DPH6: variants seen among roughly 807,000 people sequenced by gnomAD.
DPH6 encodes the protein diphthamine biosynthesis 6, also known as diphthine--ammonia ligase.
A neutral mutation model predicts 38.2 loss-of-function variants in DPH6; 33 were observed. That is an observed-to-expected ratio of 0.86 (90% CI 0.65 to 1.15). The LOEUF is 1.15. DPH6 is among the 50% of genes most tolerant of loss of function. The pLI is 0.00. For missense variants in DPH6, 325 were observed against 320.0 expected (o/e 1.02, Z -0.12); for synonymous variants, 108 against 103.0 (o/e 1.05, Z -0.30).
chr15:35,235,240 G>T (rs2051543038), intron 3 of DPH6, among the ~76,000 whole-genome samples: 1 of 152,208 alleles, frequency 6.6e-6, no homozygotes, highest in Non-Finnish European at 1.5e-5. Context: ...CCAGGGGTAG[G>T]AAAGTCCAGT....
At chr15:35,521,820 C>T in intron 3 of DPH6, 2 of 1,264,850 alleles carry the variant, frequency 1.6e-6, no homozygotes, top group Non-Finnish European at 2.0e-6. Flanking sequence ...TGGATAATAG[C>T]AGTGCTCCTA....
chr15:35,411,811 T>G (rs1410793069), intron 5 of DPH6, among the ~76,000 whole-genome samples: 1 of 151,624 alleles, frequency 6.6e-6, no homozygotes, highest in Non-Finnish European at 1.5e-5. Context: ...GATATCCACA[T>G]GCAAAAAAAT....
intron 5 of DPH6, among the ~76,000 whole-genome samples, chr15:35,428,648 C>A (rs982708988): frequency 6.6e-6 from 1 of 152,102 alleles, no homozygotes; most frequent in Non-Finnish European, 1.5e-5. Flanking sequence ...TGTATAACTT[C>A]CACTTGCTCT....
At chr15:35,510,433 G>C (rs1440114574) in intron 3 of DPH6, among the ~76,000 whole-genome samples, 2 of 152,092 alleles carry the variant, frequency 1.3e-5, no homozygotes, top group African/African-American at 4.8e-5. Context: ...AGACATAAAA[G>C]ACATCTTATT....
intron 3 of DPH6, among the ~76,000 whole-genome samples, chr15:35,285,872 G>GTTTTTTTTATTTTTTTTTT (rs2051938562): frequency 1.9e-5 from 1 of 52,794 alleles, no homozygotes; most frequent in East Asian, 5.9e-4. Context: ...TTATCTTTGA[G>GTTTTTTTTATTTTTTTTTT]TTTTTTTTTT....
At chr15:35,330,961 A>C (rs1203536870) in exon 4 of DPH6, 1 of 152,194 alleles carries the variant, frequency 6.6e-6, no homozygotes, top group African/African-American at 2.4e-5. Flanking sequence ...AGAAAAGAAA[A>C]GGCTTAAGCA....
chr15:35,272,416 G>A (rs2051828369), intron 3 of DPH6, among the ~76,000 whole-genome samples: 1 of 152,092 alleles, frequency 6.6e-6, no homozygotes, highest in African/African-American at 2.4e-5. Context: ...ATGATGTTAT[G>A]GACTGAATTA....
downstream of DPH6, among the ~76,000 whole-genome samples, chr15:35,325,853 A>G (rs1446494687): frequency 6.6e-6 from 1 of 152,212 alleles, no homozygotes; most frequent in African/African-American, 2.4e-5. Flanking sequence ...CATATCTAGA[A>G]TATATAAAGA....
At chr15:35,338,784 A>G (rs2052396176) in intron 3 of DPH6, among the ~76,000 whole-genome samples, 1 of 152,250 alleles carries the variant, frequency 6.6e-6, no homozygotes, top group African/African-American at 2.4e-5. Flanking sequence ...AACCAACTCA[A>G]ATGTCTGACA....
intron 3 of DPH6, among the ~76,000 whole-genome samples, chr15:35,494,634 A>C (rs1236310784): frequency 6.6e-6 from 1 of 152,064 alleles, no homozygotes; most frequent in African/African-American, 2.4e-5. Flanking sequence ...CTAAGAAACA[A>C]CACAAAACTT....
At chr15:35,338,252 A>G (rs1201626737) in intron 3 of DPH6, among the ~76,000 whole-genome samples, 4 of 152,114 alleles carry the variant, frequency 2.6e-5, no homozygotes, top group East Asian at 1.9e-4. Context: ...GCAACCTACA[A>G]AATGGGAGAA....
chr15:35,441,222 T>G (rs2053783848), intron 5 of DPH6, among the ~76,000 whole-genome samples: 1 of 152,118 alleles, frequency 6.6e-6, no homozygotes, highest in Admixed American at 6.6e-5. Context: ...GGAGTGTAAA[T>G]TAGTTCAACC....
At chr15:35,160,202 A>T in the DPH6 span, among the ~76,000 whole-genome samples, 7 of 151,948 alleles carry the variant, frequency 4.6e-5, no homozygotes, top group African/African-American at 7.2e-5. Flanking sequence ...TTGAAAAAAA[A>T]ATTCTTTTCT....
At chr15:35,354,751 G>T (rs80318490) in intron 3 of DPH6, among the ~76,000 whole-genome samples, 3,910 of 151,840 alleles carry the variant, frequency 0.026, 176 homozygotes, top group East Asian at 0.16. Flanking sequence ...TCTTTTTTTT[G>T]TTGTGTCTCT....
At chr15:35,234,056 G>A (rs540889942) in intron 3 of DPH6, among the ~76,000 whole-genome samples, 1 of 152,262 alleles carries the variant, frequency 6.6e-6, no homozygotes, top group South Asian at 2.1e-4. Context: ...GCTATGTTTA[G>A]TTCACCATTG....
intron 6 of DPH6, among the ~76,000 whole-genome samples, chr15:35,398,795 T>A (rs2053180451): frequency 6.6e-6 from 1 of 152,114 alleles, no homozygotes; most frequent in African/African-American, 2.4e-5. Flanking sequence ...GTGGTGGCAG[T>A]CTTGTAGCAC....
chr15:35,245,935 GGCC>G (rs1247266824), intron 3 of DPH6, among the ~76,000 whole-genome samples: 1 of 152,144 alleles, frequency 6.6e-6, no homozygotes, highest in African/African-American at 2.4e-5. Flanking sequence ...ACATCCAGAT[GGCC>G]TGAAGTAACT....
chr15:35,506,558 C>T (rs1480450083), intron 3 of DPH6, among the ~76,000 whole-genome samples: 7 of 152,120 alleles, frequency 4.6e-5, no homozygotes, highest in South Asian at 2.1e-4. Context: ...CGCTAGGTCA[C>T]GACCTGAACT....
chr15:35,413,480 C>T (rs1301443182), intron 5 of DPH6, among the ~76,000 whole-genome samples: 1 of 151,566 alleles, frequency 6.6e-6, no homozygotes, highest in African/African-American at 2.4e-5. Context: ...TGTGCACAAA[C>T]TCATAATTTC....
Sources: gnomAD v4.1 joint callset for allele counts (sites outside exome capture counted in the v4.1 genomes callset) on GRCh38, gnomAD v4.1.1 for gene constraint, MANE v1.5 for transcripts, NCBI Gene and HGNC (gene_info 2026-07-23, HGNC 2026-07-21) for gene names.